TSPOAP1: variants seen among roughly 807,000 people sequenced by gnomAD.
The protein encoded by TSPOAP1 is TSPO associated protein 1.
Under a neutral mutation model 197.0 loss-of-function variants are expected in TSPOAP1, and 87 were observed. The ratio of observed to expected loss-of-function variants is 0.44; its 90% CI spans 0.37 to 0.53. The LOEUF (loss-of-function observed/expected upper bound fraction) is 0.53. Among genes scored for constraint, TSPOAP1 ranks in the 20% least tolerant of loss-of-function variants. The pLI is 0.00. For synonymous variants in TSPOAP1, 913 were observed against 998.9 expected (o/e 0.91, Z 1.62); for missense variants, 2,174 against 2,411.3 (o/e 0.90, Z 2.06).
In TSPOAP1 at chr17:58,305,865, G is replaced by A; in HGVS notation, c.5225C>T (p.Ala1742Val). The A allele has an allele frequency of 8.7e-6, 14 of 1,612,444 alleles. No homozygotes were observed. Among genetic ancestry groups the A allele is most frequent in the Non-Finnish European group, 1.2e-5 (14 of 1,179,704 alleles). ...GGGCTGGGCAGGGCCTTCCGACTCA[G>A]CTGTGGAAAGAATGTGCCTGTGAGC... ...PPPKPRRSKKAESEGPAQPCP... is the reference protein window; with the variant it reads ...PPPKPRRSKKVESEGPAQPCP... Residue 1742 changes from alanine to valine, a missense_variant and splice_region_variant, in exon 27 of 32, where the codon GCT (alanine) becomes GTT (valine). This residue lies in a region of TSPOAP1 where 161 missense variants were observed against 159.1 expected (regional missense o/e 1.01). Transcript: ENST00000343736.
At position 58,304,510 on chromosome 17, in the gene TSPOAP1, G is replaced by T; in HGVS notation, c.5545-111C>A. On this transcript the variant is annotated intron_variant, in intron 30 of 31. Coordinates refer to ENST00000343736, the MANE Select transcript of TSPOAP1 (RefSeq NM_004758.4). The surrounding 1 kb of genome is among the most constrained non-coding windows in gnomAD (Gnocchi z 4.2). ...GTGGGCCCTACTCTCCAAGGCCTTT[G>T]TGTTCACACATGGAAGCCCTGAGTT... 1 of 838,694 alleles carries T rather than the reference G, an allele frequency of 1.2e-6. No individual in the cohort carries two copies. Among genetic ancestry groups the T allele is most frequent in the Non-Finnish European group, 2.1e-6 (1 of 484,716 alleles). The allele number at this position is 838,694 out of a possible 1,614,324, so 52.0% of individuals were successfully genotyped here. A position where few individuals can be genotyped will look rare whatever the true frequency, so the allele number is the denominator to read the frequency against.
At position 58,311,061 on chromosome 17, in the gene TSPOAP1, C is replaced by T. The variant is rs1445907974; in HGVS notation, c.3234G>A (p.Leu1078=). The change falls in exon 19 of 32, where the codon CTG becomes CTA. Residue 1078 remains leucine (L), a synonymous_variant. Coordinates refer to ENST00000343736, the MANE Select transcript of TSPOAP1 (RefSeq NM_004758.4). ...CTCGGGCTGGCAGGCTGGCCGGAGC[C>T]AGGGCGGGAGTGATAGGAGCCGGGA... ...DSIPAPITPA[L]APASLPARVS... 2.5e-6 allele frequency: 4 copies of T among 1,579,416 alleles called. No individual in the cohort carries two copies. In the Admixed American group the frequency reaches 7.4e-5, roughly 29 times the overall value.
rs1419226597 is a variant in TSPOAP1 at position 58,318,387 on chromosome 17, T to C, written c.1765A>G (p.Thr589Ala). 2 of 1,613,564 alleles carry C rather than the reference T, an allele frequency of 1.2e-6. No homozygotes were observed. The highest frequency in any genetic ancestry group is 1.7e-6 in the Non-Finnish European group (2 of 1,179,858). The change falls in exon 14 of 32, where the codon ACT becomes GCT. Residue 589 changes from threonine to alanine, a missense_variant. Thr to Ala is a moderately conservative substitution (Grantham distance 58). Coordinates refer to ENST00000343736, the MANE Select transcript of TSPOAP1 (RefSeq NM_004758.4). ...GTCCTTCGAGGGACCCCAGTGAGAG[T>C]GGCAGGGGCAGGCTCGGAAGACTTT... ...TPKSSEPAPA[T>A]LTGVPRRTAK...
At chr17:58,305,953 C>A in intron 26 of TSPOAP1, 88 bp from the exon 27 acceptor site, 4 of 1,485,830 alleles carry the variant, frequency 2.7e-6, no homozygotes, top group Non-Finnish European at 3.7e-6. Context: ...CTCGCCCACA[C>A]ACAAGGAGGC....
At chr17:58,302,595 T>A in intron 31 of TSPOAP1, 148 bp from the exon 32 acceptor site, 1 of 401,016 alleles carries the variant, frequency 2.5e-6, no homozygotes. Flanking sequence ...CTCCCACCAC[T>A]GTCAGAAACA....
rs1262966766 is a variant in TSPOAP1, at chr17:58,306,962, C to T, written c.4990G>A (p.Gly1664Arg). 6.2e-7 allele frequency: 1 copy of T among 1,612,104 alleles called. No homozygotes were observed. Among genetic ancestry groups the T allele is most frequent in the Non-Finnish European group, 8.5e-7 (1 of 1,179,738 alleles). ...FREGQILKVFGDKDADGFYQG... is the reference protein window; with the variant it reads ...FREGQILKVFRDKDADGFYQG... ...TAGAAGCCATCGGCATCCTTGTCCC[C>T]AAACACCTGGAGGCAAAACCAGTGG... The change falls in exon 25 of 32, where the codon GGG becomes AGG. Residue 1664 changes from glycine (G) to arginine (R), a missense_variant. Gly to Arg is a moderately radical substitution (Grantham distance 125). Around this residue, in one of 5 missense-constraint regions of TSPOAP1, gnomAD observed 16 missense variants for 38.8 expected, o/e 0.41. Coordinates refer to ENST00000343736, the MANE Select transcript of TSPOAP1 (RefSeq NM_004758.4).
Position 58,312,164 on chromosome 17 carries a change from C to T in TSPOAP1, c.2657G>A (p.Ser886Asn). The T allele has an allele frequency of 6.2e-7, 1 of 1,613,098 alleles. No homozygotes were observed. The highest frequency in any genetic ancestry group is 8.5e-7 in the Non-Finnish European group (1 of 1,179,988). ...AVGARAGVVP[S>N]QLRVHRLTAT... ...TGTCAACCGATGGACCCGCAGCTGG[C>T]TGGGCACCACTCCGGCCCGGGCACC... Residue 886 changes from serine (S) to asparagine (N), a missense_variant, in exon 17 of 32, where the codon AGC (serine) becomes AAC (asparagine). Physicochemically the swap from Ser to Asn is conservative, Grantham distance 46. Transcript: ENST00000343736.
chr17:58,323,674 G>T, intron 5 of TSPOAP1, 129 bp from the exon 6 acceptor site: 1 of 907,340 alleles, frequency 1.1e-6, no homozygotes, highest in South Asian at 1.6e-5. Flanking sequence ...TGCCTAGCAA[G>T]AGCAAAGAGG....
rs774559057 is a variant in TSPOAP1, at chr17:58,327,509, G to C, written c.333+79C>G. 7 of 1,464,926 alleles carry C rather than the reference G, an allele frequency of 4.8e-6. No homozygotes were observed. The Admixed American group carries it at 1.3e-4, about 28-fold the overall frequency. The allele number at this position is 1,464,926 out of a possible 1,614,324, so 90.7% of individuals were successfully genotyped here. On this transcript the variant is annotated intron_variant, in intron 1 of 31. Transcript: ENST00000343736. ...GGTGGGCATTGGGGATGCATACCTC[G>C]CCTCACCTCCTGGCCAGGCTGGAGG...
At chr17:58,317,654 CT>C (rs765561139) in intron 14 of TSPOAP1, among the ~76,000 whole-genome samples, 1 of 152,180 alleles carries the variant, frequency 6.6e-6, no homozygotes, top group Non-Finnish European at 1.5e-5. Flanking sequence ...CCTCCACCTT[CT>C]GGGGTTTGTG....
At chr17:58,320,506 TG>T (rs1313143938) in intron 11 of TSPOAP1, 24 bp downstream of exon 11, 4 of 1,510,306 alleles carry the variant, frequency 2.6e-6, no homozygotes, top group South Asian at 1.3e-5. Flanking sequence ...ATGGTGGAAC[TG>T]GGGGCCACTT....
Position 58,326,034 on chromosome 17 carries a change from G to A in TSPOAP1, c.570+259C>T, listed in dbSNP as rs746633551. On this transcript the variant is annotated intron_variant, in intron 3 of 31. Transcript: ENST00000343736. This position sits in a 1 kb window ranked among gnomAD's most constrained non-coding sequence, Gnocchi z 4.7. ...AGAAGGCTGCCGCCAGCACCAGCAC[G>A]TGGTAATCCAGAATCCTGCTCCCTG... Among the ~76,000 whole-genome samples, 1 of 152,170 alleles carries A rather than the reference G, an allele frequency of 6.6e-6. No individual in the cohort carries two copies. Among genetic ancestry groups the A allele is most frequent in the Non-Finnish European group, 1.5e-5 (1 of 68,026 alleles).
chr17:58,327,989 G>T lies in TSPOAP1; in HGVS notation c.-69C>A. 7.4e-7 allele frequency: 1 copy of T among 1,350,596 alleles called. No individual in the cohort carries two copies. The highest frequency in any genetic ancestry group is 1.0e-6 in the Non-Finnish European group (1 of 999,914). 83.7% of individuals were successfully genotyped at this position (1,350,596 alleles called of 1,614,324 possible). On this transcript the variant is annotated 5_prime_UTR_variant, in exon 1 of 32. Transcript: ENST00000343736. ...CCAGCCAGGTGGGGGGACTGGCGAG[G>T]GTCATGCCAGGCCAGCCCCTCTCCC...
In TSPOAP1 at chr17:58,326,900, A is replaced by G; in HGVS notation, c.334-110T>C. The G allele has an allele frequency of 1.1e-6, 1 of 923,762 alleles. No homozygotes were observed. The highest frequency in any genetic ancestry group is 1.5e-5 in the South Asian group (1 of 68,892). The allele number at this position is 923,762 out of a possible 1,614,324, so 57.2% of individuals were successfully genotyped here. ...ATGGTCCAAGGAGACATGGAGATGAAACGGTTTCCCCTATGTCCCAGGCCT... is the reference window on the plus strand; with the variant it reads ...ATGGTCCAAGGAGACATGGAGATGAGACGGTTTCCCCTATGTCCCAGGCCT... On this transcript the variant is annotated intron_variant, in intron 1 of 31. Transcript: ENST00000343736. This position sits in a 1 kb window ranked among gnomAD's most constrained non-coding sequence, Gnocchi z 4.7.
chr17:58,328,194 G>T lies in TSPOAP1; in HGVS notation c.-274C>A. The T allele has an allele frequency of 2.0e-6, 1 of 507,248 alleles. No homozygotes were observed. The allele number at this position is 507,248 out of a possible 1,614,324, so 31.4% of individuals were successfully genotyped here. A position where few individuals can be genotyped will look rare whatever the true frequency, so the allele number is the denominator to read the frequency against. ...GGAGGAGCGAGGGTGTCCCTGTGGG[G>T]GTAGGGAGGATGTGCAGAGGCCACC... On this transcript the variant is annotated 5_prime_UTR_variant, in exon 1 of 32. Coordinates refer to ENST00000343736, the MANE Select transcript of TSPOAP1 (RefSeq NM_004758.4). The surrounding 1 kb of genome is among the most constrained non-coding windows in gnomAD (Gnocchi z 4.3).
At chr17:58,323,146 G>A (rs1971453028) in intron 7 of TSPOAP1, 107 bp from the exon 8 acceptor site, 9 of 1,471,508 alleles carry the variant, frequency 6.1e-6, no homozygotes, top group Non-Finnish European at 7.5e-6. Context: ...CTCCCCTGCT[G>A]GAACCTGCAC....
intron 17 of TSPOAP1, 31 bp from the exon 18 acceptor site, chr17:58,311,753 T>G: frequency 1.3e-6 from 2 of 1,534,858 alleles, no homozygotes; most frequent in Non-Finnish European, 1.8e-6. Context: ...GACCCAGTGA[T>G]GCAGGACGCT....
chr17:58,302,356 TC>T lies in TSPOAP1; in HGVS notation c.*123del. On this transcript the variant is annotated 3_prime_UTR_variant, in exon 32 of 32. Coordinates refer to ENST00000343736, the MANE Select transcript of TSPOAP1 (RefSeq NM_004758.4). ...CACCTTCTCGCTTCTGCCCTGGGGCTCCCCACGTTCAATCCTGGGGGCGCTG... is the reference window on the plus strand; with the variant it reads ...CACCTTCTCGCTTCTGCCCTGGGGCTCCCACGTTCAATCCTGGGGGCGCTG... 7.8e-7 allele frequency: 1 copy of T among 1,289,286 alleles called. No homozygotes were observed. The allele number at this position is 1,289,286 out of a possible 1,614,324, so 79.9% of individuals were successfully genotyped here. A position where few individuals can be genotyped will look rare whatever the true frequency, so the allele number is the denominator to read the frequency against.
intron 10 of TSPOAP1, among the ~76,000 whole-genome samples, chr17:58,321,324 G>A (rs1971399260): frequency 6.7e-6 from 1 of 149,818 alleles, no homozygotes; most frequent in South Asian, 2.1e-4. Context: ...TTGAGATGGA[G>A]TCTCGCTCTG....
Sources: allele counts gnomAD v4.1 joint callset (sites outside exome capture counted in the v4.1 genomes callset), GRCh38; gene constraint gnomAD v4.1.1; regional missense constraint gnomAD v4.1.1; non-coding constraint Gnocchi (gnomAD v3.1); transcripts MANE v1.5; gene names NCBI Gene and HGNC (gene_info 2026-07-23, HGNC 2026-07-21).